Variants in GRIK4 observed in about 807,000 individuals in gnomAD.
The protein encoded by GRIK4 is glutamate ionotropic receptor kainate type subunit 4.
GRIK4 carries 40 observed loss-of-function variants against 104.9 expected under a neutral mutation model. That is an observed-to-expected ratio of 0.38 (90% confidence interval 0.30 to 0.50). The LOEUF is 0.50. Ranked by LOEUF, GRIK4 falls within the 20% of genes least tolerant of loss-of-function variation. The pLI is 0.93. For missense variants in GRIK4, 1,047 were observed against 1,308.1 expected, an observed-to-expected ratio of 0.80 and a Z score of 3.08; for synonymous variants, 485 against 524.9, an observed-to-expected ratio of 0.92 and a Z score of 1.04.
At chr11:120,729,652 T>C (rs1939665) in intron 3 of GRIK4, among the ~76,000 whole-genome samples, 71,877 of 152,020 alleles carry the variant, frequency 0.47, 17,478 homozygotes, top group South Asian at 0.54. Context: ...TTATATATTC[T>C]GGTAATTAAT....
intron 3 of GRIK4, among the ~76,000 whole-genome samples, chr11:120,781,058 T>C (rs901106705): frequency 2.0e-5 from 3 of 151,992 alleles, no homozygotes; most frequent in Non-Finnish European, 4.4e-5. Context: ...TCCGTTTTTA[T>C]AGTGGCTGTA....
chr11:120,766,363 G>A (rs1010157157), intron 3 of GRIK4, among the ~76,000 whole-genome samples: 1 of 152,226 alleles, frequency 6.6e-6, no homozygotes, highest in Non-Finnish European at 1.5e-5. Context: ...GGGAATTTCA[G>A]GCCAGTGGAT....
chr11:120,893,492 C>T (rs1942475190), intron 11 of GRIK4, among the ~76,000 whole-genome samples: 2 of 152,198 alleles, frequency 1.3e-5, no homozygotes, highest in Admixed American at 1.3e-4. Flanking sequence ...TTTTTCTACT[C>T]ACCAGCTCTG....
intron 1 of GRIK4, among the ~76,000 whole-genome samples, chr11:120,544,540 A>G (rs1948066962): frequency 6.6e-6 from 1 of 152,188 alleles, no homozygotes; most frequent in Non-Finnish European, 1.5e-5. Flanking sequence ...CATGTTGGCC[A>G]GGCTGGTCTT....
intron 11 of GRIK4, among the ~76,000 whole-genome samples, chr11:120,893,016 C>T (rs1259510900): frequency 6.6e-6 from 1 of 152,212 alleles, no homozygotes; most frequent in Non-Finnish European, 1.5e-5. Flanking sequence ...AAGCGCAGAA[C>T]TGCAGGCAGT....
rs145277868 is a variant in GRIK4, at chr11:120,893,596, C to T, written c.1165-4936C>T. Among the ~76,000 whole-genome samples, 57 of 152,328 alleles carry T rather than the reference C, an allele frequency of 3.7e-4. No homozygotes were observed. In the East Asian group the frequency reaches 0.011, roughly 29 times the overall value. ...GATTAGTATGCATCACCTTCTAATGCCCAGCACAGAGCCCCTGTGAGTATG... is the reference window on the plus strand; with the variant it reads ...GATTAGTATGCATCACCTTCTAATGTCCAGCACAGAGCCCCTGTGAGTATG... On this transcript the variant is annotated intron_variant, in intron 11 of 20. Transcript: ENST00000527524.
intron 13 of GRIK4, among the ~76,000 whole-genome samples, chr11:120,926,006 G>C (rs890726608): frequency 2.0e-5 from 3 of 151,492 alleles, no homozygotes; most frequent in Admixed American, 1.3e-4. Flanking sequence ...AAAAGAAAAA[G>C]AAAGAAAAGA....
chr11:120,968,849 T>C (rs1944426870), intron 19 of GRIK4, among the ~76,000 whole-genome samples: 1 of 152,226 alleles, frequency 6.6e-6, no homozygotes, highest in Non-Finnish European at 1.5e-5. Context: ...GTTCAGTAAG[T>C]AACACACTGT....
At chr11:120,738,811 G>A (rs894142325) in intron 3 of GRIK4, among the ~76,000 whole-genome samples, 4 of 152,186 alleles carry the variant, frequency 2.6e-5, no homozygotes, top group Admixed American at 6.5e-5. Flanking sequence ...TGTCTTGTTC[G>A]TGCCTTCCCT....
intron 1 of GRIK4, among the ~76,000 whole-genome samples, chr11:120,579,309 C>T (rs1244700355): frequency 2.0e-5 from 3 of 151,924 alleles, no homozygotes; most frequent in Non-Finnish European, 4.4e-5. Flanking sequence ...CTGAGGAGAC[C>T]ACACTTATAT....
In GRIK4 at chr11:120,567,296, A is replaced by C. The variant is rs114780144; in HGVS notation, c.-159+55409A>C. Among the ~76,000 whole-genome samples the C allele has an allele frequency of 8.7e-3, 1,323 of 152,136 alleles. 13 individuals are homozygous for C. The highest frequency in any genetic ancestry group is 0.028 in the African/African-American group (1,156 of 41,498). ...CACCTCAGCCTCCCAAATAGCTGGG[A>C]ATGCAGGGGTGTGCCACTACGCCCA... On this transcript the variant is annotated intron_variant, in intron 1 of 20. Transcript: ENST00000527524.
At chr11:120,605,098 G>T (rs1325955450) in intron 1 of GRIK4, among the ~76,000 whole-genome samples, 1 of 152,180 alleles carries the variant, frequency 6.6e-6, no homozygotes, top group Non-Finnish European at 1.5e-5. Context: ...ACCTCCCAAA[G>T]TATTGAGATT....
In GRIK4 at chr11:120,831,887, C is replaced by T. The variant is rs544387932; in HGVS notation, c.547C>T (p.Leu183Phe). ...LNLEKLLRQF[L>F]ISKDTLSVRM... is the part of the protein sequence containing the mutation. The stretch of plus-strand genomic sequence containing the variant: ...CCTAGAGAAGCTGCTCCGGCAATTC[C>T]TTATCTCCAAGGACACGCTGTCCGT... The change falls in exon 7 of 21, where the codon CTT (leucine) becomes TTT (phenylalanine). Residue 183 changes from leucine (L) to phenylalanine (F), a missense_variant. Leu to Phe is a conservative substitution (Grantham distance 22, BLOSUM62 0). Around this residue, in one of 3 missense-constraint regions of GRIK4, gnomAD observed 447 missense variants for 514.9 expected, o/e 0.87. Transcript: ENST00000527524. The T allele has an allele frequency of 6.2e-7, 1 of 1,613,928 alleles. No individual in the cohort carries two copies. The highest frequency in any genetic ancestry group is 1.3e-5 in the African/African-American group (1 of 75,016).
At chr11:120,660,244 G>A (rs942024782) in intron 2 of GRIK4, 25 bp from the exon 3 acceptor site, 13 of 1,051,284 alleles carry the variant, frequency 1.2e-5, no homozygotes, top group Admixed American at 3.5e-5. Flanking sequence ...TGGGACTCAC[G>A]TGCCCCCAAC....
At chr11:120,606,411 T>G (rs1948963784) in intron 1 of GRIK4, among the ~76,000 whole-genome samples, 1 of 152,146 alleles carries the variant, frequency 6.6e-6, no homozygotes, top group South Asian at 2.1e-4. Context: ...CATAGCGCTG[T>G]AAACATTTGT....
chr11:120,977,425 CGAT>C (rs1162785009), intron 19 of GRIK4, among the ~76,000 whole-genome samples: 1 of 152,150 alleles, frequency 6.6e-6, no homozygotes, highest in African/African-American at 2.4e-5. Flanking sequence ...TGATGAATGT[CGAT>C]GTGCTGTGGA....
At chr11:120,611,665 A>G (rs1432532202) in intron 1 of GRIK4, among the ~76,000 whole-genome samples, 1 of 152,086 alleles carries the variant, frequency 6.6e-6, no homozygotes, top group Non-Finnish European at 1.5e-5. Flanking sequence ...TCAGTTCAGC[A>G]CACTCCTGTG....
intron 13 of GRIK4, among the ~76,000 whole-genome samples, chr11:120,921,008 C>G (rs1943216894): frequency 6.6e-6 from 1 of 152,158 alleles, no homozygotes; most frequent in South Asian, 2.1e-4. Flanking sequence ...GCGCCTTCTT[C>G]TTTCAAAAAC....
chr11:120,802,179 C>T (rs572912192), intron 3 of GRIK4, among the ~76,000 whole-genome samples: 5 of 152,190 alleles, frequency 3.3e-5, no homozygotes, highest in Middle Eastern at 3.2e-3. Flanking sequence ...CATGGCCCAT[C>T]GGTGTCAGAG....
Sources: allele counts gnomAD v4.1 joint callset (sites outside exome capture counted in the v4.1 genomes callset), GRCh38; gene constraint gnomAD v4.1.1; regional missense constraint gnomAD v4.1.1; transcripts MANE v1.5; gene names NCBI Gene and HGNC (gene_info 2026-07-23, HGNC 2026-07-21).